CEP170: variants seen among roughly 807,000 people sequenced by gnomAD.
CEP170 encodes the protein centrosomal protein 170.
A neutral mutation model predicts 151.9 loss-of-function variants in CEP170; 21 were observed. The observed-to-expected ratio is 0.14, with a 90% CI of 0.10 to 0.20. The LOEUF is 0.20. Ranked by LOEUF, CEP170 falls within the 10% of genes least tolerant of loss-of-function variation. The pLI is 1.00. For synonymous variants in CEP170, 356 were observed against 648.8 expected (o/e 0.55, Z 6.86); for missense variants, 964 against 1,892.9 (o/e 0.51, Z 9.11).
At chr1:243,229,123 C>T (rs1229249960) in intron 1 of CEP170, among the ~76,000 whole-genome samples, 1 of 152,192 alleles carries the variant, frequency 6.6e-6, no homozygotes, top group Non-Finnish European at 1.5e-5. Flanking sequence ...AACACCCACA[C>T]ATGGATAAAA....
chr1:243,165,282 A>G lies in CEP170; in HGVS notation c.2678T>C (p.Ile893Thr), dbSNP rs1226366242. Residue 893 changes from isoleucine to threonine, a missense_variant, in exon 13 of 20, where the codon ATT (isoleucine) becomes ACT (threonine). Physicochemically the swap from Ile to Thr is moderately conservative, Grantham distance 89. Coordinates refer to ENST00000366542, the MANE Select transcript of CEP170 (RefSeq NM_014812.3). ...CATTACTGCTTCTGTGTCTTTTAGA[A>G]TAAGGGTTGTGTCCATACTAGAATC... ...DPDSSMDTTL[I>T]LKDTEAVMAF... 6.6e-7 allele frequency: 1 copy of G among 1,513,826 alleles called. No individual in the cohort carries two copies. The highest frequency in any genetic ancestry group is 2.4e-5 in the Admixed American group (1 of 42,018). 93.8% of individuals were successfully genotyped at this position (1,513,826 alleles called of 1,614,324 possible).
chr1:243,204,194 T>G (rs1558580687), intron 4 of CEP170, among the ~76,000 whole-genome samples: 1 of 152,206 alleles, frequency 6.6e-6, no homozygotes, highest in Admixed American at 6.5e-5. Flanking sequence ...ACCACATAGA[T>G]AAGGAAAAAT....
intron 4 of CEP170, among the ~76,000 whole-genome samples, chr1:243,209,675 A>G (rs1189661624): frequency 2.0e-5 from 3 of 151,256 alleles, no homozygotes; most frequent in Admixed American, 1.3e-4. Flanking sequence ...TTCTGCCACT[A>G]TAACAGATGG....
intron 3 of CEP170, among the ~76,000 whole-genome samples, chr1:243,217,663 C>G (rs2062422574): frequency 2.0e-5 from 3 of 152,070 alleles, no homozygotes; most frequent in African/African-American, 7.2e-5. Flanking sequence ...TCCTGAAGGT[C>G]TAAAATTACC....
chr1:243,169,513 TATA>T (rs1290456740), intron 12 of CEP170, 112 bp downstream of exon 12: 2 of 1,489,282 alleles, frequency 1.3e-6, no homozygotes, highest in Admixed American at 2.3e-5. Flanking sequence ...GCTTGTTTTT[TATA>T]ATAACAACTG....
chr1:243,202,939 G>T (rs1015418312), intron 4 of CEP170, among the ~76,000 whole-genome samples: 1 of 152,146 alleles, frequency 6.6e-6, no homozygotes, highest in Non-Finnish European at 1.5e-5. Context: ...CCCAGGGCTC[G>T]TCTGGGGTAT....
chr1:243,178,017 A>G (rs2059362124), intron 10 of CEP170, among the ~76,000 whole-genome samples: 1 of 152,158 alleles, frequency 6.6e-6, no homozygotes, highest in African/African-American at 2.4e-5. Context: ...GCACGCAATA[A>G]GATATTTATT....
intron 14 of CEP170, among the ~76,000 whole-genome samples, chr1:243,155,675 A>G (rs1230815990): frequency 1.3e-5 from 2 of 152,124 alleles, no homozygotes; most frequent in African/African-American, 4.8e-5. Flanking sequence ...TTTTTTGTAC[A>G]TAATCTAAAG....
rs1466189731 is a variant in CEP170, at chr1:243,164,925, C to G, written c.3035G>C (p.Ser1012Thr). The change falls in exon 13 of 20, where the codon AGT becomes ACT. Residue 1012 changes from serine (S) to threonine (T), a missense_variant. Physicochemically the swap from Ser to Thr is moderately conservative, Grantham distance 58. Coordinates refer to ENST00000366542, the MANE Select transcript of CEP170 (RefSeq NM_014812.3). ...TACTGAGGGCTGTCTTATTCTCCCACTGGACTGAACAAATTTACGACCATC... is the reference window on the plus strand; with the variant it reads ...TACTGAGGGCTGTCTTATTCTCCCAGTGGACTGAACAAATTTACGACCATC... ...RADGRKFVQSSGRIRQPSVDL... is the reference protein window; with the variant it reads ...RADGRKFVQSTGRIRQPSVDL... The G allele has an allele frequency of 1.2e-6, 2 of 1,613,762 alleles. No homozygotes were observed. The highest frequency in any genetic ancestry group is 3.3e-5 in the Admixed American group (2 of 60,002).
intron 14 of CEP170, among the ~76,000 whole-genome samples, chr1:243,144,362 T>C (rs1470966814): frequency 1.3e-5 from 2 of 152,228 alleles, no homozygotes; most frequent in Non-Finnish European, 2.9e-5. Flanking sequence ...TTAAGTGCCA[T>C]AACTAGATCT....
At chr1:243,186,446 A>G (rs764693273) in intron 8 of CEP170, 24 bp from the exon 9 acceptor site, 5 of 1,564,342 alleles carry the variant, frequency 3.2e-6, no homozygotes, top group South Asian at 1.2e-5. Context: ...GAAAACACAC[A>G]ATAGAGAAGG....
At chr1:243,187,387 T>C (rs1214573280) in intron 8 of CEP170, among the ~76,000 whole-genome samples, 1 of 152,214 alleles carries the variant, frequency 6.6e-6, no homozygotes, top group Non-Finnish European at 1.5e-5. Flanking sequence ...ATGATAAAAA[T>C]AATCAAATGA....
chr1:243,179,923 A>C (rs1167605332), intron 10 of CEP170, among the ~76,000 whole-genome samples: 1 of 152,218 alleles, frequency 6.6e-6, no homozygotes, highest in Non-Finnish European at 1.5e-5. Context: ...TGAATGACGC[A>C]ACTACTTTAA....
At chr1:243,178,524 A>AAGTG (rs1011047519) in intron 10 of CEP170, among the ~76,000 whole-genome samples, 2 of 152,082 alleles carry the variant, frequency 1.3e-5, no homozygotes, top group Non-Finnish European at 2.9e-5. Flanking sequence ...AAGGAATGGG[A>AAGTG]AGTGACTGCT....
intron 4 of CEP170, among the ~76,000 whole-genome samples, chr1:243,205,903 G>C (rs2061382958): frequency 6.8e-6 from 1 of 147,772 alleles, no homozygotes; most frequent in South Asian, 2.1e-4. Flanking sequence ...CAAACCCCAA[G>C]GGAGGAACAA....
chr1:243,218,910 A>G (rs971021382), intron 3 of CEP170, among the ~76,000 whole-genome samples: 1 of 152,234 alleles, frequency 6.6e-6, no homozygotes, highest in Admixed American at 6.5e-5. Context: ...AGCTGGGTTC[A>G]TAACCACTAC....
chr1:243,168,067 A>G (rs975171087), intron 12 of CEP170, among the ~76,000 whole-genome samples: 2 of 152,024 alleles, frequency 1.3e-5, no homozygotes, highest in Non-Finnish European at 2.9e-5. Context: ...TAATAATTTT[A>G]TAACGGATTC....
At chr1:243,189,716 A>T (rs950222496) in intron 8 of CEP170, among the ~76,000 whole-genome samples, 1 of 151,990 alleles carries the variant, frequency 6.6e-6, no homozygotes, top group Non-Finnish European at 1.5e-5. Context: ...GGTTTTAAAA[A>T]GTCTAAGTTA....
chr1:243,126,374 G>A lies in CEP170; in HGVS notation c.*75C>T, dbSNP rs180761051. 4.8e-4 allele frequency: 693 copies of A among 1,444,010 alleles called. No individual in the cohort carries two copies. Among genetic ancestry groups the A allele is most frequent in the Middle Eastern group, 1.6e-3 (9 of 5,476 alleles). The allele number at this position is 1,444,010 out of a possible 1,614,324, so 89.4% of individuals were successfully genotyped here. A position where few individuals can be genotyped will look rare whatever the true frequency, so the allele number is the denominator to read the frequency against. On this transcript the variant is annotated 3_prime_UTR_variant, in exon 20 of 20. Transcript: ENST00000366542. Reference sequence around the variant, plus strand: ...AGCTGACCAAGCTGTCTTGTTTTGCGTACATCAACACTATGCTGCTTCCAA... The same window carrying A: ...AGCTGACCAAGCTGTCTTGTTTTGCATACATCAACACTATGCTGCTTCCAA...
Sources: gnomAD v4.1 joint callset for allele counts (sites outside exome capture counted in the v4.1 genomes callset) on GRCh38, gnomAD v4.1.1 for gene constraint, MANE v1.5 for transcripts, NCBI Gene and HGNC (gene_info 2026-07-23, HGNC 2026-07-21) for gene names.